Variants in RYR2 observed in about 807,000 individuals in gnomAD.
RYR2 encodes the protein cardiac muscle ryanodine receptor-calcium release channel.
Under a neutral mutation model 601.1 loss-of-function variants are expected in RYR2, and 227 were observed. The observed-to-expected ratio is 0.38, with a 90% CI of 0.34 to 0.42. RYR2 has a LOEUF of 0.42. Among genes scored for constraint, RYR2 ranks in the 10% least tolerant of loss-of-function variants. The pLI is 1.00. For synonymous variants in RYR2, 2,223 were observed against 2,175.1 expected (o/e 1.02, Z -0.61); for missense variants, 4,646 against 6,156.5 (o/e 0.75, Z 8.21).
At chr1:237,292,102 G>A (rs112518193) in intron 2 of RYR2, among the ~76,000 whole-genome samples, 3,201 of 152,244 alleles carry the variant, frequency 0.021, 46 homozygotes, top group Non-Finnish European at 0.036. Context: ...TCTATTTGAA[G>A]CACAAAACAG....
At chr1:237,458,875 G>C (rs1411920303) in intron 16 of RYR2, among the ~76,000 whole-genome samples, 4 of 152,236 alleles carry the variant, frequency 2.6e-5, no homozygotes, top group South Asian at 4.1e-4. Context: ...AAACTCTTGT[G>C]CCTATTAGAA....
At chr1:237,780,858 A>G (rs1265223944) in intron 88 of RYR2, among the ~76,000 whole-genome samples, 1 of 152,170 alleles carries the variant, frequency 6.6e-6, no homozygotes, top group Non-Finnish European at 1.5e-5. Context: ...TTTCTTCTAT[A>G]TGAAGTTGAT....
At chr1:237,400,921 G>A (rs558130971) in intron 10 of RYR2, among the ~76,000 whole-genome samples, 1 of 152,280 alleles carries the variant, frequency 6.6e-6, no homozygotes, top group East Asian at 1.9e-4. Flanking sequence ...ATCATAGGAT[G>A]GAAATGGATC....
intron 1 of RYR2, among the ~76,000 whole-genome samples, chr1:237,255,591 C>G (rs6663810): frequency 0.52 from 79,725 of 151,922 alleles, 21,307 homozygotes; most frequent in East Asian, 0.82. Flanking sequence ...TATAGTTTGC[C>G]ATCACTACAT....
chr1:237,211,109 C>T (rs1553343189), intron 1 of RYR2, among the ~76,000 whole-genome samples: 2 of 152,176 alleles, frequency 1.3e-5, no homozygotes, highest in Non-Finnish European at 2.9e-5. Flanking sequence ...GATGGCATTA[C>T]TATATGGTGA....
chr1:237,433,034 T>TGG (rs59192841), intron 12 of RYR2, among the ~76,000 whole-genome samples: 11 of 32,890 alleles, frequency 3.3e-4, no homozygotes, highest in Admixed American at 2.1e-3. Context: ...TGACTGTGTG[T>TGG]GGGGGGGGGT....
chr1:237,766,829 C>T (rs1473930276), intron 84 of RYR2, among the ~76,000 whole-genome samples: 1 of 152,158 alleles, frequency 6.6e-6, no homozygotes, highest in Non-Finnish European at 1.5e-5. Context: ...ATTTATTTCA[C>T]ATAGTGGTCA....
chr1:237,548,609 T>G lies in RYR2; in HGVS notation c.3066+19T>G, dbSNP rs1224027406. On this transcript the variant is annotated intron_variant, in intron 26 of 104. Transcript: ENST00000366574. Reference sequence around the variant, plus strand: ...CCAACAGGTACATGGGAATTAGCATTTGGTCTGAGACTTACTTAAGTGGGA... The same window carrying G: ...CCAACAGGTACATGGGAATTAGCATGTGGTCTGAGACTTACTTAAGTGGGA... 1 of 1,612,000 alleles carries G rather than the reference T, an allele frequency of 6.2e-7. No individual in the cohort carries two copies. Among genetic ancestry groups the G allele is most frequent in the Non-Finnish European group, 8.5e-7 (1 of 1,178,798 alleles).
intron 1 of RYR2, among the ~76,000 whole-genome samples, chr1:237,102,681 C>A (rs958286263): frequency 6.6e-6 from 1 of 152,030 alleles, no homozygotes; most frequent in Non-Finnish European, 1.5e-5. Context: ...CATTGTGAAA[C>A]CCCTTCTCTA....
In RYR2 at chr1:237,602,074, G is replaced by A; in HGVS notation, c.4646G>A (p.Ser1549Asn). The A allele has an allele frequency of 6.2e-7, 1 of 1,613,052 alleles. No homozygotes were observed. Among genetic ancestry groups the A allele is most frequent in the Non-Finnish European group, 8.5e-7 (1 of 1,179,418 alleles). The change falls in exon 35 of 105, where the codon AGT (serine) becomes AAT (asparagine). Residue 1549 changes from serine to asparagine, a missense_variant. Ser to Asn is a conservative substitution (Grantham distance 46, BLOSUM62 1). Around this residue, in one of 17 missense-constraint regions of RYR2, gnomAD observed 1,807 missense variants for 2,088.1 expected, o/e 0.87. Coordinates refer to ENST00000366574, the MANE Select transcript of RYR2 (RefSeq NM_001035.3). ...LFPAVFAQATSPNVFQFELGR... is the reference protein window; with the variant it reads ...LFPAVFAQATNPNVFQFELGR... ...CCTGCGGTTTTTGCACAAGCTACAA[G>A]TCCCAATGTTTTCCAGTTTGAGTTG... is the stretch of plus-strand genomic sequence containing the variant.
intron 29 of RYR2, among the ~76,000 whole-genome samples, chr1:237,589,346 G>T (rs145215433): frequency 6.6e-6 from 1 of 152,078 alleles, no homozygotes; most frequent in African/African-American, 2.4e-5. Flanking sequence ...GACTGTGTCT[G>T]GTGTTAGTAT....
intron 1 of RYR2, among the ~76,000 whole-genome samples, chr1:237,238,342 G>A (rs1336457040): frequency 2.0e-5 from 3 of 152,048 alleles, no homozygotes; most frequent in African/African-American, 7.2e-5. Flanking sequence ...CAACAGCTTC[G>A]AGTTGTCCAG....
chr1:237,685,884 A>G (rs1553282181), intron 62 of RYR2, among the ~76,000 whole-genome samples: 1 of 152,158 alleles, frequency 6.6e-6, no homozygotes, highest in Non-Finnish European at 1.5e-5. Flanking sequence ...CCTCAGATTC[A>G]CTCAGACATT....
chr1:237,802,462 G>A (rs916544532), intron 98 of RYR2: 8 of 152,084 alleles, frequency 5.3e-5, no homozygotes, highest in African/African-American at 1.4e-4. Flanking sequence ...TATAGTTCAC[G>A]TTAGTTCCAT....
intron 2 of RYR2, among the ~76,000 whole-genome samples, chr1:237,300,960 A>G (rs1693288066): frequency 6.6e-6 from 1 of 152,070 alleles, no homozygotes; most frequent in Non-Finnish European, 1.5e-5. Context: ...TTCCTGGTAC[A>G]TTGTAAGGAC....
intron 65 of RYR2, among the ~76,000 whole-genome samples, chr1:237,701,182 C>T (rs1201290377): frequency 1.3e-5 from 2 of 152,224 alleles, no homozygotes; most frequent in Admixed American, 6.5e-5. Context: ...CTGAGTTACT[C>T]AGTGGGTGCC....
In RYR2 at chr1:237,828,403, A is replaced by G; in HGVS notation, c.14613A>G (p.Gly4871=). The change falls in exon 102 of 105, where the codon GGA becomes GGG. Residue 4871 remains glycine (G), a synonymous_variant. Coordinates refer to ENST00000366574, the MANE Select transcript of RYR2 (RefSeq NM_001035.3). ...IIQGLIIDAF[G]ELRDQQEQVK... ...CAGGTCTAATTATTGATGCTTTTGG[A>G]GAACTAAGAGACCAACAGGAACAAG... 6.4e-7 allele frequency: 1 copy of G among 1,564,972 alleles called. No individual in the cohort carries two copies. The highest frequency in any genetic ancestry group is 8.7e-7 in the Non-Finnish European group (1 of 1,152,344).
At chr1:237,406,826 T>C (rs1703954355) in intron 10 of RYR2, among the ~76,000 whole-genome samples, 1 of 152,204 alleles carries the variant, frequency 6.6e-6, no homozygotes, top group Non-Finnish European at 1.5e-5. Flanking sequence ...AGTATGGTAC[T>C]CTTGTTATAA....
intron 98 of RYR2, among the ~76,000 whole-genome samples, chr1:237,805,270 G>A (rs1660486508): frequency 6.6e-6 from 1 of 151,984 alleles, no homozygotes; most frequent in South Asian, 2.1e-4. Flanking sequence ...AACTGATACA[G>A]CTAACTAGAA....
Sources: gnomAD v4.1 joint callset for allele counts (sites outside exome capture counted in the v4.1 genomes callset) on GRCh38, gnomAD v4.1.1 for gene constraint, gnomAD v4.1.1 regional missense constraint, MANE v1.5 for transcripts, NCBI Gene and HGNC (gene_info 2026-07-23, HGNC 2026-07-21) for gene names.